The following CEP112 variants were observed in gnomAD, a reference collection of about 807,000 sequenced individuals.
CEP112 encodes the protein centrosomal protein 112.
In CEP112, 127 loss-of-function variants were observed where a neutral mutation model predicts 153.0. The observed-to-expected ratio is 0.83, with a 90% confidence interval of 0.72 to 0.96. The LOEUF is 0.96. Among genes scored for constraint, CEP112 ranks in the 40% least tolerant of loss-of-function variants. CEP112 has a pLI of 0.00. For missense variants in CEP112, 1,089 were observed against 1,101.2 expected (o/e 0.99, Z 0.16); for synonymous variants, 358 against 374.4 (o/e 0.96, Z 0.51).
At chr17:65,745,747 CAT>C (rs1259738088) in intron 22 of CEP112, among the ~76,000 whole-genome samples, 1 of 151,936 alleles carries the variant, frequency 6.6e-6, no homozygotes, top group Non-Finnish European at 1.5e-5. Context: ...CAACTGCAGT[CAT>C]GTGATATATT....
chr17:66,034,970 T>TGTGTGTGTGTGTGTGTG (rs1568411071), intron 12 of CEP112, among the ~76,000 whole-genome samples: 1 of 96,740 alleles, frequency 1.0e-5, no homozygotes. Flanking sequence ...AGCTAAGTTT[T>TGTGTGTGTGTGTGTGTG]TGCATGTATA....
At chr17:66,180,323 T>C (rs1056919339) in intron 2 of CEP112, among the ~76,000 whole-genome samples, 2 of 152,022 alleles carry the variant, frequency 1.3e-5, no homozygotes, top group African/African-American at 4.8e-5. Flanking sequence ...TCCAGGGCTT[T>C]CCTTTGCTGG....
chr17:66,082,792 T>A (rs950339787), intron 8 of CEP112, among the ~76,000 whole-genome samples: 1 of 151,546 alleles, frequency 6.6e-6, no homozygotes, highest in Non-Finnish European at 1.5e-5. Flanking sequence ...TATATGTGTA[T>A]CTGTAGCCAC....
intron 23 of CEP112, among the ~76,000 whole-genome samples, chr17:65,712,442 C>T (rs16962649): frequency 0.017 from 2,542 of 152,028 alleles, 82 homozygotes; most frequent in African/African-American, 0.058. Context: ...GGAGAAATGA[C>T]GGCTAACATT....
chr17:65,928,217 A>G (rs531963990), intron 18 of CEP112, among the ~76,000 whole-genome samples: 21 of 152,378 alleles, frequency 1.4e-4, no homozygotes, highest in African/African-American at 4.8e-4. Context: ...AAATTAAAAC[A>G]AGAATGACAT....
At chr17:65,803,599 A>G (rs145755333) in intron 21 of CEP112, among the ~76,000 whole-genome samples, 93 of 152,334 alleles carry the variant, frequency 6.1e-4, no homozygotes, top group African/African-American at 2.1e-3. Context: ...TTTTCTCAAA[A>G]TATAAATGAC....
intron 17 of CEP112, among the ~76,000 whole-genome samples, chr17:65,982,373 C>A (rs370417533): frequency 3.3e-5 from 5 of 152,266 alleles, no homozygotes; most frequent in African/African-American, 1.2e-4. Flanking sequence ...TAGAGAAGGG[C>A]AACTTGCCCA....
rs142332505 is a variant in CEP112, at chr17:65,652,850, T to C, written c.2698-11785A>G. Among the ~76,000 whole-genome samples, 318 of 152,290 alleles carry C rather than the reference T, an allele frequency of 2.1e-3. 1 individual carries two copies. The highest frequency in any genetic ancestry group is 6.9e-3 in the African/African-American group (287 of 41,564). The stretch of plus-strand genomic sequence containing the variant: ...GGGCTGCTATAACAAATACCATAGA[T>C]TGAGCAGATTAATCAATAAGCATAT... On this transcript the variant is annotated intron_variant, in intron 24 of 26. Transcript: ENST00000535342.
At chr17:65,739,014 C>G (rs1181842836) in intron 23 of CEP112, among the ~76,000 whole-genome samples, 1 of 152,220 alleles carries the variant, frequency 6.6e-6, no homozygotes, top group Non-Finnish European at 1.5e-5. Context: ...GTGACTCTTC[C>G]TAGGGCAGGG....
At chr17:66,144,123 A>G (rs942193882) in intron 4 of CEP112, among the ~76,000 whole-genome samples, 1 of 152,214 alleles carries the variant, frequency 6.6e-6, no homozygotes, top group Non-Finnish European at 1.5e-5. Flanking sequence ...GCTTGCATAC[A>G]GTAAAACCAT....
intron 19 of CEP112, among the ~76,000 whole-genome samples, chr17:65,919,628 A>G (rs2060628606): frequency 6.6e-6 from 1 of 152,144 alleles, no homozygotes; most frequent in Non-Finnish European, 1.5e-5. Context: ...GAATCTAATC[A>G]GGCAGATGAA....
intron 19 of CEP112, among the ~76,000 whole-genome samples, chr17:65,919,051 T>G (rs2060603108): frequency 6.6e-6 from 1 of 152,070 alleles, no homozygotes; most frequent in African/African-American, 2.4e-5. Context: ...CTTTTAAAAC[T>G]TTTCCACCAA....
At chr17:66,153,447 C>A in intron 4 of CEP112, among the ~76,000 whole-genome samples, 1 of 137,386 alleles carries the variant, frequency 7.3e-6, no homozygotes, top group African/African-American at 2.7e-5. Flanking sequence ...ACGTATTACC[C>A]ATGAAATTTC....
intron 23 of CEP112, among the ~76,000 whole-genome samples, chr17:65,689,857 A>G (rs1294123283): frequency 2.0e-5 from 3 of 152,162 alleles, no homozygotes; most frequent in African/African-American, 7.2e-5. Context: ...TATGTTAAGT[A>G]AAGAGATGAA....
chr17:66,145,847 C>T (rs181132675), intron 4 of CEP112, among the ~76,000 whole-genome samples: 1 of 152,062 alleles, frequency 6.6e-6, no homozygotes, highest in East Asian at 1.9e-4. Flanking sequence ...TCCTAATTTG[C>T]TGAGAGTTTT....
At chr17:65,868,198 A>G (rs1369073266) in intron 20 of CEP112, among the ~76,000 whole-genome samples, 1 of 152,110 alleles carries the variant, frequency 6.6e-6, no homozygotes, top group African/African-American at 2.4e-5. Flanking sequence ...TTACTTTTTA[A>G]TAAAAGAAAT....
chr17:65,984,824 G>A (rs1012615268), intron 17 of CEP112, among the ~76,000 whole-genome samples: 3 of 152,074 alleles, frequency 2.0e-5, no homozygotes, highest in South Asian at 4.1e-4. Flanking sequence ...CTTTCGAACT[G>A]GATTGTCTCA....
intron 25 of CEP112, among the ~76,000 whole-genome samples, chr17:65,637,589 T>A (rs936607781): frequency 1.3e-5 from 2 of 152,222 alleles, no homozygotes; most frequent in Non-Finnish European, 2.9e-5. Context: ...GGTTTAAATG[T>A]CACCTCTCCT....
intron 19 of CEP112, 29 bp downstream of exon 19, chr17:65,927,553 T>C (rs1221791694): frequency 8.0e-7 from 1 of 1,250,738 alleles, no homozygotes; most frequent in East Asian, 2.4e-5. Flanking sequence ...TTTAAAAATT[T>C]AATGGCAGCA....
Sources: allele counts gnomAD v4.1 joint callset (sites outside exome capture counted in the v4.1 genomes callset), GRCh38; gene constraint gnomAD v4.1.1; transcripts MANE v1.5; gene names NCBI Gene and HGNC (gene_info 2026-07-23, HGNC 2026-07-21).